The following MAGI2 variants were observed in gnomAD, a reference collection of about 807,000 sequenced individuals.
The protein encoded by MAGI2 is membrane associated guanylate kinase, WW and PDZ domain containing 2.
A neutral mutation model predicts 133.3 loss-of-function variants in MAGI2; 35 were observed. The ratio of observed to expected loss-of-function variants is 0.26; its 90% CI spans 0.20 to 0.35. The LOEUF is 0.35. Ranked by LOEUF, MAGI2 falls within the 10% of genes least tolerant of loss-of-function variation. MAGI2 has a pLI of 1.00. For missense variants in MAGI2, 1,636 were observed against 1,863.4 expected, an observed-to-expected ratio of 0.88 and a Z score of 2.25; for synonymous variants, 729 against 710.6, an observed-to-expected ratio of 1.03 and a Z score of -0.41.
At chr7:79,083,676 C>T (rs1189136229) in intron 1 of MAGI2, among the ~76,000 whole-genome samples, 3 of 151,552 alleles carry the variant, frequency 2.0e-5, no homozygotes, top group African/African-American at 4.8e-5. Flanking sequence ...AGAGTAATAG[C>T]CTCAGAAAAT....
chr7:79,285,514 A>G (rs1835936539), intron 1 of MAGI2, among the ~76,000 whole-genome samples: 1 of 152,148 alleles, frequency 6.6e-6, no homozygotes, highest in Admixed American at 6.6e-5. Context: ...ACCTTGTCAG[A>G]ATCTGCCAGT....
At chr7:78,080,631 T>C (rs1815855432) in intron 20 of MAGI2, among the ~76,000 whole-genome samples, 1 of 152,208 alleles carries the variant, frequency 6.6e-6, no homozygotes, top group Non-Finnish European at 1.5e-5. Flanking sequence ...TGTTCCTTCC[T>C]GGCTAGACTC....
intron 3 of MAGI2, among the ~76,000 whole-genome samples, chr7:78,528,842 C>T (rs543893197): frequency 2.0e-4 from 31 of 152,138 alleles, no homozygotes; most frequent in Non-Finnish European, 3.7e-4. Flanking sequence ...ATTAATCTTA[C>T]ATGTGTCAGA....
intron 1 of MAGI2, among the ~76,000 whole-genome samples, chr7:79,377,936 A>G (rs1003445919): frequency 1.3e-5 from 2 of 151,854 alleles, no homozygotes; most frequent in African/African-American, 4.8e-5. Flanking sequence ...GAATGCACAA[A>G]GTTCTAATGT....
At chr7:79,400,045 T>A (rs1025243018) in intron 1 of MAGI2, among the ~76,000 whole-genome samples, 2 of 152,206 alleles carry the variant, frequency 1.3e-5, no homozygotes, top group African/African-American at 4.8e-5. Context: ...ATTGTGAACT[T>A]GTGTTCATGA....
intron 10 of MAGI2, among the ~76,000 whole-genome samples, chr7:78,242,129 T>C (rs1791216017): frequency 6.6e-6 from 1 of 152,230 alleles, no homozygotes; most frequent in African/African-American, 2.4e-5. Flanking sequence ...CAGTCTCTTA[T>C]GACCAGTGGG....
intron 1 of MAGI2, among the ~76,000 whole-genome samples, chr7:79,340,685 C>G (rs1276349699): frequency 1.3e-5 from 2 of 152,030 alleles, no homozygotes; most frequent in African/African-American, 2.4e-5. Flanking sequence ...CCTAGACAAG[C>G]TTTTGTGCAC....
chr7:79,341,973 A>C (rs928802000), intron 1 of MAGI2, among the ~76,000 whole-genome samples: 7 of 152,094 alleles, frequency 4.6e-5, no homozygotes, highest in African/African-American at 1.7e-4. Context: ...TCAGCTCCAG[A>C]TCCACTTGTT....
At chr7:78,418,205 C>T (rs1798474383) in intron 6 of MAGI2, among the ~76,000 whole-genome samples, 2 of 152,164 alleles carry the variant, frequency 1.3e-5, no homozygotes, top group South Asian at 4.2e-4. Flanking sequence ...ACTGGATATT[C>T]GTGAAACAAA....
intron 6 of MAGI2, among the ~76,000 whole-genome samples, chr7:78,480,288 C>A (rs1792214509): frequency 6.6e-6 from 1 of 151,726 alleles, no homozygotes; most frequent in Non-Finnish European, 1.5e-5. Context: ...TTTACACAAT[C>A]TTTTCCAGAA....
intron 9 of MAGI2, among the ~76,000 whole-genome samples, chr7:78,315,541 C>T (rs73152033): frequency 0.046 from 6,962 of 152,182 alleles, 230 homozygotes; most frequent in South Asian, 0.12. Flanking sequence ...AATCATATAG[C>T]TCCTTGTTCG....
At chr7:78,895,191 TG>T (rs1285978957) in intron 2 of MAGI2, among the ~76,000 whole-genome samples, 3 of 152,154 alleles carry the variant, frequency 2.0e-5, no homozygotes, top group Non-Finnish European at 2.9e-5. Flanking sequence ...AAAGCCAGGC[TG>T]GCTCTCTCTT....
chr7:78,080,906 C>T (rs952481491), intron 20 of MAGI2, among the ~76,000 whole-genome samples: 1 of 152,214 alleles, frequency 6.6e-6, no homozygotes, highest in African/African-American at 2.4e-5. Flanking sequence ...TCCCATCGCT[C>T]ACAAGCTCAA....
At chr7:79,173,672 C>T (rs149012737) in intron 1 of MAGI2, among the ~76,000 whole-genome samples, 1 of 152,056 alleles carries the variant, frequency 6.6e-6, no homozygotes, top group East Asian at 1.9e-4. Flanking sequence ...AAAATGATTA[C>T]ACTAACCAAC....
At chr7:79,413,900 T>G (rs1465160255) in intron 1 of MAGI2, 3 of 152,174 alleles carry the variant, frequency 2.0e-5, no homozygotes, top group Non-Finnish European at 4.4e-5. Flanking sequence ...ATTCATCTGT[T>G]TATTCCATTT....
intron 6 of MAGI2, among the ~76,000 whole-genome samples, chr7:78,387,856 G>A (rs549434872): frequency 7.2e-5 from 11 of 152,124 alleles, no homozygotes; most frequent in Non-Finnish European, 1.6e-4. Context: ...AGCCCAGGAG[G>A]CGGAGGTTGC....
chr7:79,143,152 T>C (rs1049412633), intron 1 of MAGI2, among the ~76,000 whole-genome samples: 6 of 152,218 alleles, frequency 3.9e-5, no homozygotes, highest in Non-Finnish European at 7.3e-5. Context: ...TTAATCAGTA[T>C]ACATAGTTTT....
At chr7:78,274,001 G>GGAGGAGAAGAGGCATTCTGGTTTT (rs1195534649) in intron 9 of MAGI2, among the ~76,000 whole-genome samples, 1 of 152,046 alleles carries the variant, frequency 6.6e-6, no homozygotes, top group Non-Finnish European at 1.5e-5. Context: ...GTGATCCTTT[G>GGAGGAGAAGAGGCATTCTGGTTTT]GAGGAGAAGA....
intron 2 of MAGI2, among the ~76,000 whole-genome samples, chr7:78,957,081 G>T (rs958152868): frequency 1.1e-4 from 17 of 151,736 alleles, no homozygotes; most frequent in African/African-American, 3.4e-4. Flanking sequence ...CTGACCAACA[G>T]GGTGAAACCC....
Sources: gnomAD v4.1 joint callset for allele counts (sites outside exome capture counted in the v4.1 genomes callset) on GRCh38, gnomAD v4.1.1 for gene constraint, MANE v1.5 for transcripts, NCBI Gene and HGNC (gene_info 2026-07-23, HGNC 2026-07-21) for gene names.